Variants in CEP72 observed in about 807,000 individuals in gnomAD.
The protein encoded by CEP72 is centrosomal protein of 72 kDa.
In CEP72, 78 loss-of-function variants were observed where a neutral mutation model predicts 65.7. The observed-to-expected ratio is 1.19, with a 90% confidence interval of 0.99 to 1.43. The LOEUF (loss-of-function observed/expected upper bound fraction) is 1.43, where lower values mean the gene tolerates loss of function less well. Among genes scored for constraint, CEP72 ranks in the 40% most tolerant of loss-of-function variants. The pLI, the probability that CEP72 is intolerant of heterozygous loss-of-function variation, is 0.00. For missense variants in CEP72, 914 were observed against 832.9 expected (o/e 1.10, Z -1.20); for synonymous variants, 358 against 351.7 (o/e 1.02, Z -0.20).
intron 11 of CEP72, among the ~76,000 whole-genome samples, chr5:648,748 T>G (rs1394786532): frequency 1.3e-4 from 7 of 54,842 alleles, no homozygotes; most frequent in Admixed American, 2.5e-4. Context: ...GACTGTGAGG[T>G]GTGGACTGTG....
rs201564761 is a variant in CEP72 at position 632,244 on chromosome 5, G to GT, written c.513-1524dup. Among the ~76,000 whole-genome samples the GT allele has an allele frequency of 4.0e-3, 165 of 41,592 alleles. 18 individuals carry two copies. Among genetic ancestry groups the GT allele is most frequent in the East Asian group, 0.01 (10 of 992 alleles). 27.3% of individuals were successfully genotyped at this position (41,592 alleles called of 152,430 possible). ...CGGGATTTGACCCAGTCCTGGTGGG[G>GT]TGCTGTCCAGTGCCGGGATTTAGAC... On this transcript the variant is annotated intron_variant, in intron 4 of 11. Transcript: ENST00000264935.
In CEP72 at chr5:645,023, G is replaced by A. The variant is rs1580006874; in HGVS notation, c.1666+598G>A. Among the ~76,000 whole-genome samples the A allele has an allele frequency of 6.6e-6, 1 of 151,944 alleles. No homozygotes were observed. The highest frequency in any genetic ancestry group is 1.9e-4 in the East Asian group (1 of 5,190). On this transcript the variant is annotated intron_variant, in intron 10 of 11. Coordinates refer to ENST00000264935, the MANE Select transcript of CEP72 (RefSeq NM_018140.4). This position sits in a 1 kb window ranked among gnomAD's most constrained non-coding sequence, Gnocchi z 4.0. ...AATGCTGATGGAGTCTGCTGTCCAC[G>A]GTAACCTTCTCGGTGTGGCGTGGAG...
chr5:671,331 G>T (rs1740216006), downstream of CEP72, among the ~76,000 whole-genome samples: 1 of 152,146 alleles, frequency 6.6e-6, no homozygotes, highest in Non-Finnish European at 1.5e-5. Flanking sequence ...TGGACTTGGG[G>T]CCCAGAGGGA....
At chr5:673,017 CTT>C in the CEP72 span, among the ~76,000 whole-genome samples, 3 of 152,206 alleles carry the variant, frequency 2.0e-5, no homozygotes, top group South Asian at 2.1e-4. Context: ...AATCGGTAGA[CTT>C]TTTCTCCACA....
In CEP72 at chr5:623,559, C is replaced by T. The variant is rs1030774068; in HGVS notation, c.404-912C>T. Among the ~76,000 whole-genome samples, 84 of 151,444 alleles carry T rather than the reference C, an allele frequency of 5.5e-4. No individual in the cohort carries two copies. The highest frequency in any genetic ancestry group is 1.8e-4 in the Non-Finnish European group (12 of 67,946). Reference sequence around the variant, plus strand: ...AGTCCAGAGAAATGTTCTTGGAGTACGGGATTTGGAACTGACTCAGAAGGG... The same window carrying T: ...AGTCCAGAGAAATGTTCTTGGAGTATGGGATTTGGAACTGACTCAGAAGGG... On this transcript the variant is annotated intron_variant, in intron 3 of 11. Coordinates refer to ENST00000264935, the MANE Select transcript of CEP72 (RefSeq NM_018140.4). This position sits in a 1 kb window ranked among gnomAD's most constrained non-coding sequence, Gnocchi z 5.3.
chr5:619,538 T>C (rs1697946), intron 2 of CEP72, among the ~76,000 whole-genome samples: 95,732 of 150,980 alleles, frequency 0.63, 30,450 homozygotes, highest in Non-Finnish European at 0.67. Flanking sequence ...TTATGGAGGC[T>C]GCGTCTGCAT....
At position 624,491 on chromosome 5, in the gene CEP72, A is replaced by T; in HGVS notation, c.424A>T (p.Ser142Cys). Residue 142 changes from serine (S) to cysteine (C), a missense_variant, in exon 4 of 12, where the codon AGC becomes TGC. Coordinates refer to ENST00000264935, the MANE Select transcript of CEP72 (RefSeq NM_018140.4). The surrounding 1 kb of genome is among the most constrained non-coding windows in gnomAD (Gnocchi z 4.7). The part of the protein sequence containing the change: ...QQLDDRPVRA[S>C]ERKASRLHFA... ...TCTAGACGATCGCCCCGTGAGAGCAAGCGAGCGGAAGGCTTCCCGACTGCA... is the reference window on the plus strand; with the variant it reads ...TCTAGACGATCGCCCCGTGAGAGCATGCGAGCGGAAGGCTTCCCGACTGCA... 1.2e-6 allele frequency: 2 copies of T among 1,614,134 alleles called. No homozygotes were observed. The highest frequency in any genetic ancestry group is 1.7e-6 in the Non-Finnish European group (2 of 1,179,954).
chr5:673,926 TGCATGTGTGTGCAG>T, the CEP72 span, among the ~76,000 whole-genome samples: 8 of 152,360 alleles, frequency 5.3e-5, no homozygotes, highest in East Asian at 1.5e-3. Context: ...GGGAGAGTTC[TGCATGTGTGTGCAG>T]GCGTGTGTGT....
chr5:628,684 ACAG>A lies in CEP72; in HGVS notation c.512+4106_512+4108del, dbSNP rs1736960556. 4.3e-4 allele frequency among the ~76,000 whole-genome samples: 5 copies of A among 11,672 alleles called. 1 individual carries two copies. The highest frequency in any genetic ancestry group is 1.8e-3 in the African/African-American group (3 of 1,650). 7.7% of individuals were successfully genotyped at this position (11,672 alleles called of 152,430 possible). ...GTGCAGCTTCTGGAGAACTCAGGTC[ACAG>A]GCCCCGGGGAGTGTTCCCAGGACCC... is the stretch of plus-strand genomic sequence containing the variant. On this transcript the variant is annotated intron_variant, in intron 4 of 11. Coordinates refer to ENST00000264935, the MANE Select transcript of CEP72 (RefSeq NM_018140.4).
At chr5:618,010 C>T (rs1004714105) in intron 1 of CEP72, among the ~76,000 whole-genome samples, 25 of 152,106 alleles carry the variant, frequency 1.6e-4, no homozygotes, top group African/African-American at 4.3e-4. Context: ...TTATGGGGTG[C>T]GTGGAGCTTG....
At position 664,893 on chromosome 5, in the gene CEP72, TG is replaced by T. The variant is rs1561079142; in HGVS notation, n.288-283del. ...AGGTGTATTAGGAGGGTCAGCGAAC[TG>T]GGGCCCAAACCTGGTTTGAGAGGGG... On this transcript the variant is annotated intron_variant and non_coding_transcript_variant, in intron 2 of 4. Coordinates refer to the CEP72 transcript ENST00000514507. The T allele has an allele frequency of 6.7e-6, 4 of 595,832 alleles. No homozygotes were observed. In the East Asian group the frequency reaches 8.5e-5, roughly 13 times the overall value. 36.9% of individuals were successfully genotyped at this position (595,832 alleles called of 1,614,324 possible). A position where few individuals can be genotyped will look rare whatever the true frequency, so the allele number is the denominator to read the frequency against.
intron 11 of CEP72, among the ~76,000 whole-genome samples, chr5:649,834 C>T (rs1481664183): frequency 4.0e-4 from 17 of 42,028 alleles, no homozygotes; most frequent in Middle Eastern, 0.024. Context: ...GACTGTGAGG[C>T]GTGACTGTGA....
Position 624,418 on chromosome 5 carries a change from G to A in CEP72, c.404-53G>A. The A allele has an allele frequency of 7.3e-7, 1 of 1,360,776 alleles. No individual in the cohort carries two copies. The highest frequency in any genetic ancestry group is 1.1e-6 in the Non-Finnish European group (1 of 952,214). The allele number at this position is 1,360,776 out of a possible 1,614,324, so 84.3% of individuals were successfully genotyped here. On this transcript the variant is annotated intron_variant, in intron 3 of 11. Transcript: ENST00000264935. This position sits in a 1 kb window ranked among gnomAD's most constrained non-coding sequence, Gnocchi z 4.7. ...CCCGTGTAGATGCCCCAGGGTGGAT[G>A]CAGCCGCCCGCCGCTTGCCACCTGC...
chr5:643,073 G>A (rs1036701038), intron 9 of CEP72: 7 of 982,970 alleles, frequency 7.1e-6, no homozygotes, highest in African/African-American at 1.8e-5. Flanking sequence ...AAAAAATTAG[G>A]TGTGGTGGCA....
In CEP72 at chr5:623,822, T is replaced by C. The variant is rs1412348596; in HGVS notation, c.404-649T>C. ...TGCTTTGAACATTATATTATGCTAT[T>C]ACTCACTCATTTCTTACAGTGATTC... is the stretch of plus-strand genomic sequence containing the variant. On this transcript the variant is annotated intron_variant, in intron 3 of 11. Coordinates refer to ENST00000264935, the MANE Select transcript of CEP72 (RefSeq NM_018140.4). The surrounding 1 kb of genome is among the most constrained non-coding windows in gnomAD (Gnocchi z 5.3). 6.6e-6 allele frequency among the ~76,000 whole-genome samples: 1 copy of C among 152,156 alleles called. No homozygotes were observed. The highest frequency in any genetic ancestry group is 2.4e-5 in the African/African-American group (1 of 41,416).
downstream of CEP72, among the ~76,000 whole-genome samples, chr5:654,150 CTG>C (rs986551503): frequency 2.9e-4 from 40 of 138,556 alleles, no homozygotes; most frequent in African/African-American, 8.9e-4. Flanking sequence ...TGTGCGCTTG[CTG>C]TGTGTGCTCT....
chr5:644,234 T>A, intron 9 of CEP72, 65 bp from the exon 10 acceptor site: 1 of 1,570,062 alleles, frequency 6.4e-7, no homozygotes. Flanking sequence ...GGTTTCAGTT[T>A]TACTTTCTAT....
At chr5:638,154 C>G (rs1328386274) in intron 7 of CEP72, among the ~76,000 whole-genome samples, 1 of 152,194 alleles carries the variant, frequency 6.6e-6, no homozygotes, top group African/African-American at 2.4e-5. Context: ...CGCTGCTGTT[C>G]TGAGTGGAAG....
intron 9 of CEP72, chr5:643,199 T>C: frequency 4.1e-6 from 4 of 985,334 alleles, no homozygotes; most frequent in Non-Finnish European, 4.8e-6. Flanking sequence ...AGGGAGACTT[T>C]GCCTCAAAGA....
Sources: gnomAD v4.1 joint callset for allele counts (sites outside exome capture counted in the v4.1 genomes callset) on GRCh38, gnomAD v4.1.1 for gene constraint, Gnocchi (gnomAD v3.1) non-coding constraint, MANE v1.5 for transcripts, NCBI Gene and HGNC (gene_info 2026-07-23, HGNC 2026-07-21) for gene names.